The following SNTG1 variants were observed in gnomAD, a reference collection of about 807,000 sequenced individuals.
SNTG1 encodes the protein syntrophin gamma 1.
Under a neutral mutation model 74.7 loss-of-function variants are expected in SNTG1, and 39 were observed. The observed-to-expected ratio is 0.52, with a 90% CI of 0.40 to 0.68. SNTG1 has a LOEUF of 0.68. Ranked by LOEUF, SNTG1 falls within the 30% of genes least tolerant of loss-of-function variation. SNTG1 has a pLI of 0.00. For synonymous variants in SNTG1, 254 were observed against 217.1 expected (o/e 1.17, Z -1.49); for missense variants, 685 against 609.5 (o/e 1.12, Z -1.30).
chr8:50,324,677 T>C (rs955651631), intron 2 of SNTG1, among the ~76,000 whole-genome samples: 5 of 152,050 alleles, frequency 3.3e-5, no homozygotes, highest in African/African-American at 1.2e-4. Context: ...TTTTTGGCAA[T>C]ATTTTTCCCC....
chr8:50,669,463 C>T (rs186764191), intron 15 of SNTG1, among the ~76,000 whole-genome samples: 1,663 of 152,256 alleles, frequency 0.011, 24 homozygotes, highest in Middle Eastern at 0.034. Context: ...AATTCCTCGA[C>T]ACATACACCA....
chr8:50,410,895 A>G (rs533051355), intron 4 of SNTG1, among the ~76,000 whole-genome samples: 1 of 152,148 alleles, frequency 6.6e-6, no homozygotes. Context: ...TGCTTTATCC[A>G]TTCATCTGTT....
intron 18 of SNTG1, among the ~76,000 whole-genome samples, chr8:50,786,194 A>C (rs1305008834): frequency 6.6e-6 from 1 of 151,992 alleles, no homozygotes; most frequent in East Asian, 1.9e-4. Flanking sequence ...ATACAATCCC[A>C]ATGCACAAAA....
chr8:50,703,688 G>A (rs1281915942), intron 15 of SNTG1, among the ~76,000 whole-genome samples: 5 of 151,860 alleles, frequency 3.3e-5, no homozygotes, highest in Admixed American at 6.6e-5. Flanking sequence ...AATCGTATGT[G>A]CTAGACTTAC....
chr8:50,630,811 C>T (rs969678716), intron 13 of SNTG1, among the ~76,000 whole-genome samples: 6 of 152,184 alleles, frequency 3.9e-5, no homozygotes, highest in African/African-American at 1.2e-4. Context: ...GCACTCTACT[C>T]CTGAAAGGAG....
intron 2 of SNTG1, among the ~76,000 whole-genome samples, chr8:50,223,753 T>C (rs548826997): frequency 6.6e-5 from 10 of 152,262 alleles, no homozygotes; most frequent in Admixed American, 5.2e-4. Context: ...CTACAGCAAA[T>C]TTATTGAATA....
intron 13 of SNTG1, among the ~76,000 whole-genome samples, chr8:50,642,844 A>G (rs2095082651): frequency 6.6e-6 from 1 of 152,108 alleles, no homozygotes; most frequent in South Asian, 2.1e-4. Context: ...TCATGCTTCC[A>G]AAGTAGAATC....
At chr8:50,253,029 A>C (rs1364561414) in intron 2 of SNTG1, among the ~76,000 whole-genome samples, 1 of 152,168 alleles carries the variant, frequency 6.6e-6, no homozygotes, top group African/African-American at 2.4e-5. Flanking sequence ...AAAAGAAAAC[A>C]AGTGGTGGTG....
intron 1 of SNTG1, among the ~76,000 whole-genome samples, chr8:49,938,597 C>CTTTTCTTTTCTTTTCTTTT (rs1554524894): frequency 8.9e-4 from 29 of 32,512 alleles, no homozygotes; most frequent in South Asian, 3.8e-3. Flanking sequence ...CTTTTCTTTT[C>CTTTTCTTTTCTTTTCTTTT]TTTTCTTTTC....
intron 12 of SNTG1, among the ~76,000 whole-genome samples, chr8:50,571,312 C>T (rs1033078695): frequency 3.3e-5 from 5 of 152,324 alleles, no homozygotes; most frequent in Admixed American, 6.5e-5. Flanking sequence ...TGGGACCTGC[C>T]TCCTGTCCCG....
At chr8:50,280,373 T>C (rs1014619873) in intron 2 of SNTG1, among the ~76,000 whole-genome samples, 5 of 152,218 alleles carry the variant, frequency 3.3e-5, no homozygotes, top group Non-Finnish European at 4.4e-5. Flanking sequence ...TCTTTTGCAA[T>C]TTAAATGTCT....
chr8:50,292,034 T>C (rs574640160), intron 2 of SNTG1, among the ~76,000 whole-genome samples: 28 of 152,246 alleles, frequency 1.8e-4, no homozygotes, highest in African/African-American at 6.0e-4. Context: ...GAAATGTCTA[T>C]GACACATACA....
chr8:50,638,910 C>A (rs1464763852), intron 13 of SNTG1, among the ~76,000 whole-genome samples: 1 of 152,002 alleles, frequency 6.6e-6, no homozygotes, highest in African/African-American at 2.4e-5. Flanking sequence ...AGATTACATC[C>A]AACTAGACCC....
chr8:50,160,793 C>T (rs532104152), intron 1 of SNTG1, among the ~76,000 whole-genome samples: 5 of 152,236 alleles, frequency 3.3e-5, no homozygotes, highest in South Asian at 2.1e-4. Context: ...TGCAGAAGCA[C>T]GGAATAGCTG....
chr8:50,754,356 G>A (rs1172829073), intron 18 of SNTG1, among the ~76,000 whole-genome samples: 3 of 151,816 alleles, frequency 2.0e-5, no homozygotes, highest in Non-Finnish European at 4.4e-5. Context: ...ATCCCTGCAA[G>A]GTTTGGGTAT....
At chr8:50,448,396 A>C (rs2093425310) in intron 5 of SNTG1, among the ~76,000 whole-genome samples, 1 of 152,192 alleles carries the variant, frequency 6.6e-6, no homozygotes, top group Non-Finnish European at 1.5e-5. Context: ...CAGTGTTAAA[A>C]ATGGGCATGC....
At chr8:50,356,449 T>G (rs1393733762) in intron 2 of SNTG1, among the ~76,000 whole-genome samples, 1 of 152,208 alleles carries the variant, frequency 6.6e-6, no homozygotes, top group African/African-American at 2.4e-5. Flanking sequence ...TGCTCTATAC[T>G]CTTTGTCTTA....
At chr8:50,621,897 C>T (rs1047168959) in intron 13 of SNTG1, among the ~76,000 whole-genome samples, 1 of 152,134 alleles carries the variant, frequency 6.6e-6, no homozygotes, top group Non-Finnish European at 1.5e-5. Flanking sequence ...AATGAAGAGT[C>T]ATATATCTCT....
chr8:50,315,037 C>A, intron 2 of SNTG1, among the ~76,000 whole-genome samples: 1 of 149,604 alleles, frequency 6.7e-6, no homozygotes, highest in African/African-American at 2.5e-5. Context: ...AATAATTCAT[C>A]AAAAAATTAA....
Sources: allele counts gnomAD v4.1 joint callset (sites outside exome capture counted in the v4.1 genomes callset), GRCh38; gene constraint gnomAD v4.1.1; transcripts MANE v1.5; gene names NCBI Gene and HGNC (gene_info 2026-07-23, HGNC 2026-07-21).